Variants in GLDC observed in about 807,000 individuals in gnomAD.
GLDC encodes the protein glycine decarboxylase, also known as glycine dehydrogenase (decarboxylating), mitochondrial.
GLDC carries 104 observed loss-of-function variants against 121.3 expected under a neutral mutation model. The ratio of observed to expected loss-of-function variants is 0.86; its 90% CI spans 0.73 to 1.01. GLDC has a LOEUF of 1.01. Ranked by LOEUF, GLDC falls within the 50% of genes least tolerant of loss-of-function variation. The probability of loss-of-function intolerance (pLI) is 0.00; values close to 1 mark genes in which losing one functional copy is unlikely to be tolerated. For synonymous variants in GLDC, 546 were observed against 480.6 expected (o/e 1.14, Z -1.78); for missense variants, 1,429 against 1,306.6 (o/e 1.09, Z -1.44).
chr9:6,563,954 A>G (rs143363824), intron 16 of GLDC, among the ~76,000 whole-genome samples: 147 of 151,138 alleles, frequency 9.7e-4, no homozygotes, highest in African/African-American at 3.5e-3. Context: ...TATGAAGAGA[A>G]AAAAAAAAGG....
chr9:6,583,506 T>C (rs888249966), intron 15 of GLDC, among the ~76,000 whole-genome samples: 12 of 152,062 alleles, frequency 7.9e-5, no homozygotes, highest in African/African-American at 2.9e-4. Context: ...GAGACTCCTG[T>C]CTCTACAAAA....
intron 2 of GLDC, 23 bp from the exon 3 acceptor site, chr9:6,620,342 T>C (rs761291202): frequency 5.6e-6 from 9 of 1,607,354 alleles, no homozygotes; most frequent in Non-Finnish European, 7.7e-6. Flanking sequence ...AAAAGAGAAA[T>C]GTTACAGACA....
intron 15 of GLDC, among the ~76,000 whole-genome samples, chr9:6,575,721 C>T (rs567769736): frequency 6.6e-6 from 1 of 152,334 alleles, no homozygotes; most frequent in South Asian, 2.1e-4. Context: ...ATAATTCCAA[C>T]TTGTCTTTCA....
intron 9 of GLDC, among the ~76,000 whole-genome samples, chr9:6,594,494 G>A (rs886787030): frequency 2.0e-5 from 3 of 151,990 alleles, no homozygotes; most frequent in Admixed American, 6.6e-5. Flanking sequence ...TCAGGAATTC[G>A]AGACCAGCCT....
At chr9:6,545,971 T>A (rs937570034) in intron 21 of GLDC, among the ~76,000 whole-genome samples, 2 of 152,192 alleles carry the variant, frequency 1.3e-5, no homozygotes, top group African/African-American at 2.4e-5. Context: ...ATAAACTAAA[T>A]TTTTTAAACC....
chr9:6,537,890 T>C (rs1817168985), intron 22 of GLDC, among the ~76,000 whole-genome samples: 1 of 152,192 alleles, frequency 6.6e-6, no homozygotes, highest in Non-Finnish European at 1.5e-5. Flanking sequence ...TCACATCTAC[T>C]CATCCAGCCA....
intron 21 of GLDC, chr9:6,542,037 C>G (rs1376749232): frequency 6.6e-6 from 1 of 151,994 alleles, no homozygotes; most frequent in Admixed American, 6.6e-5. Flanking sequence ...GTCCAGAGAT[C>G]AAGACCATCC....
chr9:6,584,726 T>C (rs1818234497), intron 15 of GLDC, among the ~76,000 whole-genome samples: 1 of 152,346 alleles, frequency 6.6e-6, no homozygotes, highest in African/African-American at 2.4e-5. Flanking sequence ...TTCATTCCTT[T>C]ATCTAAGCCT....
intron 2 of GLDC, among the ~76,000 whole-genome samples, chr9:6,642,695 C>G (rs1008560908): frequency 8.6e-5 from 13 of 151,996 alleles, no homozygotes; most frequent in Non-Finnish European, 1.3e-4. Flanking sequence ...GCCATGTTTC[C>G]CAGGCTCTAA....
At chr9:6,614,853 A>G (rs1306930174) in intron 3 of GLDC, among the ~76,000 whole-genome samples, 1 of 152,230 alleles carries the variant, frequency 6.6e-6, no homozygotes, top group Non-Finnish European at 1.5e-5. Context: ...GATATAGCCT[A>G]TCACTCCCAG....
intron 3 of GLDC, among the ~76,000 whole-genome samples, chr9:6,619,072 G>T (rs1357191621): frequency 6.9e-6 from 1 of 145,678 alleles, no homozygotes; most frequent in Non-Finnish European, 1.5e-5. Context: ...GAACTCGAAG[G>T]GCAGAGGTTG....
intron 15 of GLDC, among the ~76,000 whole-genome samples, chr9:6,570,420 T>C (rs1399075509): frequency 1.3e-5 from 2 of 152,270 alleles, no homozygotes; most frequent in African/African-American, 4.8e-5. Flanking sequence ...CTAAATATTC[T>C]GAAAATCATT....
chr9:6,574,092 T>C (rs1445713683), intron 15 of GLDC, among the ~76,000 whole-genome samples: 4 of 152,196 alleles, frequency 2.6e-5, no homozygotes, highest in African/African-American at 4.8e-5. Context: ...CTTTGCTATC[T>C]AGTCAAAAAA....
chr9:6,534,652 G>A (rs1817079656), intron 24 of GLDC, 56 bp downstream of exon 24: 3 of 876,910 alleles, frequency 3.4e-6, no homozygotes, highest in South Asian at 2.7e-5. Flanking sequence ...ACACCCGTCA[G>A]GATAGGAGCT....
intron 22 of GLDC, among the ~76,000 whole-genome samples, chr9:6,538,453 A>C (rs1817183422): frequency 6.6e-6 from 1 of 152,244 alleles, no homozygotes; most frequent in Admixed American, 6.5e-5. Flanking sequence ...TCTTCCTTAA[A>C]AATTCACATT....
intron 15 of GLDC, among the ~76,000 whole-genome samples, chr9:6,570,299 C>T (rs1287047495): frequency 2.0e-5 from 3 of 152,112 alleles, no homozygotes; most frequent in Non-Finnish European, 2.9e-5. Flanking sequence ...GAAAAGACCA[C>T]GCTGTGGATT....
At chr9:6,629,186 C>G (rs1201022428) in intron 2 of GLDC, among the ~76,000 whole-genome samples, 3 of 151,492 alleles carry the variant, frequency 2.0e-5, no homozygotes, top group Non-Finnish European at 4.4e-5. Flanking sequence ...AAATACTTTC[C>G]AATAGCAATA....
intron 2 of GLDC, chr9:6,639,031 C>T (rs1587985718): frequency 3.6e-6 from 2 of 553,422 alleles, no homozygotes; most frequent in Non-Finnish European, 6.5e-6. Context: ...AAAGTATATC[C>T]TCAGAGTGTC....
chr9:6,551,730 A>G (rs1817518934), intron 20 of GLDC, among the ~76,000 whole-genome samples: 1 of 152,084 alleles, frequency 6.6e-6, no homozygotes, highest in Non-Finnish European at 1.5e-5. Context: ...AAGAGAAAGG[A>G]GAAGGTATAC....
Sources: gnomAD v4.1 joint callset for allele counts (sites outside exome capture counted in the v4.1 genomes callset) on GRCh38, gnomAD v4.1.1 for gene constraint, MANE v1.5 for transcripts, NCBI Gene and HGNC (gene_info 2026-07-23, HGNC 2026-07-21) for gene names.